Variants in JAKMIP2 observed in about 807,000 individuals in gnomAD.
The protein encoded by JAKMIP2 is janus kinase and microtubule-interacting protein 2.
In JAKMIP2, 25 loss-of-function variants were observed where a neutral mutation model predicts 115.0. The observed-to-expected ratio is 0.22, with a 90% CI of 0.16 to 0.30. The LOEUF is 0.30. Ranked by LOEUF, JAKMIP2 falls within the 10% of genes least tolerant of loss-of-function variation. The probability of loss-of-function intolerance (pLI) is 1.00; values close to 1 mark genes in which losing one functional copy is unlikely to be tolerated. For synonymous variants in JAKMIP2, 334 were observed against 343.6 expected (o/e 0.97, Z 0.31); for missense variants, 642 against 957.6 (o/e 0.67, Z 4.35).
intron 19 of JAKMIP2, among the ~76,000 whole-genome samples, chr5:147,617,708 C>T (rs1271528770): frequency 6.6e-6 from 1 of 152,120 alleles, no homozygotes; most frequent in Non-Finnish European, 1.5e-5. Context: ...TTCTGAAATG[C>T]CAATTTTCTC....
intron 1 of JAKMIP2, among the ~76,000 whole-genome samples, chr5:147,699,987 G>A (rs1266268880): frequency 2.6e-5 from 4 of 152,202 alleles, no homozygotes; most frequent in Admixed American, 6.5e-5. Context: ...CGCTATCTAT[G>A]TTGGTTGAAA....
At chr5:147,601,866 A>G in intron 20 of JAKMIP2, 55 bp from the exon 21 acceptor site, 1 of 799,042 alleles carries the variant, frequency 1.3e-6, no homozygotes, top group Non-Finnish European at 2.0e-6. Context: ...AGTGCCATTC[A>G]GGTAGTACAA....
intron 1 of JAKMIP2, among the ~76,000 whole-genome samples, chr5:147,726,941 C>T (rs2116770): frequency 0.13 from 19,757 of 152,284 alleles, 1,367 homozygotes; most frequent in Middle Eastern, 0.19. Flanking sequence ...TCTAGACTCC[C>T]TCTGGGAAGA....
intron 1 of JAKMIP2, among the ~76,000 whole-genome samples, chr5:147,679,112 C>T (rs1481509096): frequency 6.6e-6 from 1 of 152,024 alleles, no homozygotes; most frequent in African/African-American, 2.4e-5. Context: ...TCCCGAGTAG[C>T]TGGCATCACA....
intron 5 of JAKMIP2, among the ~76,000 whole-genome samples, chr5:147,647,041 G>A (rs892232385): frequency 1.1e-4 from 16 of 152,070 alleles, no homozygotes; most frequent in African/African-American, 1.4e-4. Context: ...TAATTACAGA[G>A]TATGCCTCCT....
chr5:147,694,434 C>A (rs1235873014), intron 1 of JAKMIP2, among the ~76,000 whole-genome samples: 1 of 152,080 alleles, frequency 6.6e-6, no homozygotes, highest in African/African-American at 2.4e-5. Flanking sequence ...TACCCCGGGT[C>A]AGGACTTCCT....
intron 1 of JAKMIP2, among the ~76,000 whole-genome samples, chr5:147,683,503 A>C (rs919771597): frequency 8.0e-4 from 121 of 152,154 alleles, no homozygotes; most frequent in African/African-American, 2.8e-3. Flanking sequence ...AAAACAAAAC[A>C]AAACCAAACA....
intron 16 of JAKMIP2, among the ~76,000 whole-genome samples, chr5:147,625,657 A>C (rs188677491): frequency 1.0e-3 from 152 of 152,292 alleles, no homozygotes; most frequent in African/African-American, 3.2e-3. Context: ...CATTAGATAT[A>C]GATTTGTGTG....
intron 1 of JAKMIP2, among the ~76,000 whole-genome samples, chr5:147,700,129 T>A (rs774681824): frequency 2.0e-5 from 3 of 152,112 alleles, no homozygotes; most frequent in Non-Finnish European, 4.4e-5. Context: ...GAAAAGTTCA[T>A]GGAGTGGAGG....
Position 147,595,937 on chromosome 5 carries a change from G to A in JAKMIP2, c.*21-4251C>T, listed in dbSNP as rs529899623. Among the ~76,000 whole-genome samples, 21 of 152,278 alleles carry A rather than the reference G, an allele frequency of 1.4e-4. No homozygotes were observed. In the Middle Eastern group the frequency reaches 0.01, roughly 74 times the overall value. The stretch of plus-strand genomic sequence containing the variant: ...TATTTCCCCAATGTATGTAAAATTT[G>A]TTCAGAAAGGAAGTCAAGAAAGATG... On this transcript the variant is annotated intron_variant, in intron 21 of 21. Coordinates refer to ENST00000616793, the MANE Select transcript of JAKMIP2 (RefSeq NM_001270941.2).
chr5:147,601,760 A>T lies in JAKMIP2; in HGVS notation c.*1T>A. The T allele has an allele frequency of 6.5e-7, 1 of 1,526,916 alleles. No homozygotes were observed. 94.6% of individuals were successfully genotyped at this position (1,526,916 alleles called of 1,614,324 possible). On this transcript the variant is annotated 3_prime_UTR_variant, in exon 21 of 22. Coordinates refer to ENST00000616793, the MANE Select transcript of JAKMIP2 (RefSeq NM_001270941.2). ...TCTTACCTTTAAGAGGCACCTTGAC[A>T]TCAAGGCCATAGAATAAAGGCAAGA... is the stretch of plus-strand genomic sequence containing the variant.
intron 8 of JAKMIP2, 64 bp downstream of exon 8, chr5:147,641,644 C>T: frequency 8.7e-7 from 1 of 1,155,450 alleles, no homozygotes; most frequent in Non-Finnish European, 1.3e-6. Context: ...AGGAAGATTC[C>T]ATGCCAAGCC....
intron 1 of JAKMIP2, among the ~76,000 whole-genome samples, chr5:147,726,196 A>G (rs975688220): frequency 3.3e-5 from 5 of 152,230 alleles, no homozygotes; most frequent in African/African-American, 9.6e-5. Context: ...TGAGTGGATC[A>G]AAGATGACAA....
At chr5:147,724,218 A>C (rs1398185043) in intron 1 of JAKMIP2, among the ~76,000 whole-genome samples, 1 of 152,206 alleles carries the variant, frequency 6.6e-6, no homozygotes, top group Non-Finnish European at 1.5e-5. Context: ...TTTTTATTCT[A>C]GAGTACTTAT....
At chr5:147,707,838 T>C (rs1025219196) in intron 1 of JAKMIP2, among the ~76,000 whole-genome samples, 4 of 151,926 alleles carry the variant, frequency 2.6e-5, no homozygotes, top group African/African-American at 9.7e-5. Flanking sequence ...AATAGGAGAT[T>C]AGGGAGGAGT....
chr5:147,615,481 GGCGGGGTAGTCA>G (rs1201111136), intron 19 of JAKMIP2, among the ~76,000 whole-genome samples: 1 of 152,050 alleles, frequency 6.6e-6, no homozygotes, highest in East Asian at 1.9e-4. Flanking sequence ...GGTTTTGGAG[GGCGGGGTAGTCA>G]GCTACTGAAG....
At chr5:147,766,006 T>A (rs894731820) in intron 1 of JAKMIP2, among the ~76,000 whole-genome samples, 2 of 152,208 alleles carry the variant, frequency 1.3e-5, no homozygotes, top group Admixed American at 1.3e-4. Flanking sequence ...TGCAGTTTTA[T>A]ACTTTGTAGC....
intron 1 of JAKMIP2, among the ~76,000 whole-genome samples, chr5:147,714,866 G>A (rs1752911586): frequency 6.6e-6 from 1 of 152,098 alleles, no homozygotes; most frequent in Non-Finnish European, 1.5e-5. Flanking sequence ...AGATGTTTTA[G>A]ATGCACACTG....
At chr5:147,594,360 G>C (rs1181294083) in intron 21 of JAKMIP2, 4 of 399,050 alleles carry the variant, frequency 1.0e-5, no homozygotes, top group African/African-American at 8.2e-5. Context: ...TTTGATACAG[G>C]GTCTTGCTTT....
Sources: allele counts gnomAD v4.1 joint callset (sites outside exome capture counted in the v4.1 genomes callset), GRCh38; gene constraint gnomAD v4.1.1; transcripts MANE v1.5; gene names NCBI Gene and HGNC (gene_info 2026-07-23, HGNC 2026-07-21).